The following NUDT21 variants were observed in gnomAD, a reference collection of about 807,000 sequenced individuals.
NUDT21 encodes nudix hydrolase 21, also known as cleavage and polyadenylation specificity factor subunit 5.
Under a neutral mutation model 29.8 loss-of-function variants are expected in NUDT21, and 5 were observed. The observed-to-expected ratio is 0.17, with a 90% CI of 0.09 to 0.35. The LOEUF is 0.35. NUDT21 is among the 10% of genes least tolerant of loss of function. NUDT21 has a pLI of 1.00. For missense variants in NUDT21, 76 were observed against 276.0 expected (o/e 0.28, Z 5.13); for synonymous variants, 113 against 98.5 (o/e 1.15, Z -0.87).
chr16:56,434,213 T>C, intron 6 of NUDT21, 118 bp downstream of exon 6: 1 of 683,254 alleles, frequency 1.5e-6, no homozygotes, highest in Non-Finnish European at 2.6e-6. Flanking sequence ...AGAGTCTATC[T>C]ACTTTCTTAG....
At chr16:56,442,104 A>G (rs56919121) in intron 3 of NUDT21, among the ~76,000 whole-genome samples, 22,280 of 151,962 alleles carry the variant, frequency 0.15, 1,693 homozygotes, top group Admixed American at 0.18. Context: ...GTGGTCTCAA[A>G]CTCCTAGGCT....
intron 6 of NUDT21, 63 bp from the exon 7 acceptor site, chr16:56,432,796 A>C: frequency 8.2e-7 from 1 of 1,220,598 alleles, no homozygotes; most frequent in South Asian, 1.4e-5. Context: ...CATATTAGAT[A>C]AATAAATTTA....
intron 3 of NUDT21, among the ~76,000 whole-genome samples, chr16:56,440,893 C>T (rs1410288280): frequency 1.3e-5 from 2 of 152,050 alleles, no homozygotes; most frequent in Admixed American, 1.3e-4. Context: ...CACATGCTAC[C>T]ATGCCCAGCT....
chr16:56,434,012 A>C (rs1962065930), intron 6 of NUDT21, among the ~76,000 whole-genome samples: 1 of 151,924 alleles, frequency 6.6e-6, no homozygotes, highest in African/African-American at 2.4e-5. Context: ...AATACAGACA[A>C]CTCCGCTCAT....
intron 3 of NUDT21, among the ~76,000 whole-genome samples, chr16:56,444,037 A>T (rs1962188323): frequency 6.6e-6 from 1 of 152,172 alleles, no homozygotes; most frequent in Admixed American, 6.5e-5. Context: ...TCATGCATGT[A>T]ATCCCAATGC....
intron 3 of NUDT21, among the ~76,000 whole-genome samples, chr16:56,440,288 C>T (rs1962145091): frequency 6.6e-6 from 1 of 152,198 alleles, no homozygotes; most frequent in Non-Finnish European, 1.5e-5. Context: ...ACACAGTTTC[C>T]CCGACTGTTA....
chr16:56,443,792 T>C (rs1270413083), intron 3 of NUDT21, among the ~76,000 whole-genome samples: 1 of 152,212 alleles, frequency 6.6e-6, no homozygotes, highest in Non-Finnish European at 1.5e-5. Flanking sequence ...GGAAGCACCA[T>C]GAAGCCCTCA....
In NUDT21 at chr16:56,432,680, C is replaced by A. The variant is rs1265564156; in HGVS notation, c.*32G>T. 11 of 1,602,930 alleles carry A rather than the reference C, an allele frequency of 6.9e-6. No individual in the cohort carries two copies. Among genetic ancestry groups the A allele is most frequent in the Non-Finnish European group, 9.4e-6 (11 of 1,173,964 alleles). On this transcript the variant is annotated 3_prime_UTR_variant, in exon 7 of 7. Coordinates refer to ENST00000300291, the MANE Select transcript of NUDT21 (RefSeq NM_007006.3). Reference sequence around the variant, plus strand: ...ATATAGCTGTGCTCACAGAGACAAGCGGCTTCTTTTACTTCTCCACTGCGC... The same window carrying A: ...ATATAGCTGTGCTCACAGAGACAAGAGGCTTCTTTTACTTCTCCACTGCGC...
rs1962006822 is a variant in NUDT21, at chr16:56,429,384, A to G, written c.*3328T>C. On this transcript the variant is annotated 3_prime_UTR_variant, in exon 7 of 7. Transcript: ENST00000300291. ...ACCTTTCCCTCAACAGAACAGCATAATCAATATATCTTCCCAACTTATCTC... is the reference window on the plus strand; with the variant it reads ...ACCTTTCCCTCAACAGAACAGCATAGTCAATATATCTTCCCAACTTATCTC... 2 of 152,220 alleles carry G rather than the reference A, an allele frequency of 1.3e-5. No individual in the cohort carries two copies. The highest frequency in any genetic ancestry group is 4.1e-4 in the South Asian group (2 of 4,834). 9.4% of individuals were successfully genotyped at this position (152,220 alleles called of 1,614,324 possible).
intron 1 of NUDT21, among the ~76,000 whole-genome samples, chr16:56,450,581 A>C (rs1962284278): frequency 1.3e-5 from 2 of 152,204 alleles, no homozygotes; most frequent in African/African-American, 2.4e-5. Context: ...TGTATTCAAA[A>C]ACTGAAGTAT....
chr16:56,448,265 C>T (rs143739566), intron 1 of NUDT21, among the ~76,000 whole-genome samples: 244 of 152,284 alleles, frequency 1.6e-3, no homozygotes, highest in Non-Finnish European at 1.3e-3. Context: ...AAATGGTTAT[C>T]TGAACATTAG....
At chr16:56,437,506 G>A (rs1220738287) in intron 4 of NUDT21, among the ~76,000 whole-genome samples, 1 of 152,062 alleles carries the variant, frequency 6.6e-6, no homozygotes, top group Non-Finnish European at 1.5e-5. Flanking sequence ...TCTGATTTCG[G>A]GGCAGCTATG....
chr16:56,446,564 G>T, intron 3 of NUDT21, 62 bp downstream of exon 3: 1 of 886,760 alleles, frequency 1.1e-6, no homozygotes, highest in South Asian at 1.5e-5. Flanking sequence ...CTTTTTACAA[G>T]ACATTAAAAG....
intron 4 of NUDT21, 26 bp downstream of exon 4, chr16:56,439,631 C>A: frequency 1.4e-6 from 2 of 1,459,912 alleles, no homozygotes; most frequent in Non-Finnish European, 1.9e-6. Flanking sequence ...TTCCAAAATG[C>A]CCAGCAAATG....
chr16:56,446,667 C>G lies in NUDT21; in HGVS notation c.340G>C (p.Gly114Arg). The G allele has an allele frequency of 6.2e-7, 1 of 1,607,124 alleles. No homozygotes were observed. Among genetic ancestry groups the G allele is most frequent in the Non-Finnish European group, 8.5e-7 (1 of 1,176,138 alleles). Residue 114 changes from glycine (G) to arginine (R), a missense_variant, in exon 3 of 7, where the codon GGA (glycine) becomes CGA (arginine). By Grantham distance (125) the Gly-to-Arg change is moderately radical. This residue lies in a region of NUDT21 where 27 missense variants were observed against 149.5 expected (regional missense o/e 0.18). Coordinates refer to ENST00000300291, the MANE Select transcript of NUDT21 (RefSeq NM_007006.3). ...FKLPGGELNPGEDEVEGLKRL... is the reference protein window; with the variant it reads ...FKLPGGELNPREDEVEGLKRL... The stretch of plus-strand genomic sequence containing the variant: ...TTTAGTCCTTCAACTTCATCTTCTC[C>G]TGGGTTAAGTTCACCACCAGGTCTG...
chr16:56,434,508 T>C (rs557031967), intron 5 of NUDT21, 63 bp from the exon 6 acceptor site: 1 of 947,454 alleles, frequency 1.1e-6, no homozygotes, highest in African/African-American at 1.7e-5. Context: ...ATTTCATTTT[T>C]AAATTACCAA....
chr16:56,438,807 G>C (rs1255749325), intron 4 of NUDT21, among the ~76,000 whole-genome samples: 3 of 152,008 alleles, frequency 2.0e-5, no homozygotes, highest in Non-Finnish European at 4.4e-5. Context: ...AAAAAAAAAG[G>C]TGCCAAGTGT....
At chr16:56,443,343 ATTTG>A (rs1962181298) in intron 3 of NUDT21, among the ~76,000 whole-genome samples, 1 of 151,876 alleles carries the variant, frequency 6.6e-6, no homozygotes, top group Admixed American at 6.6e-5. Context: ...CGCCCAGCTA[ATTTG>A]TTTATGTTTG....
At position 56,429,211 on chromosome 16, in the gene NUDT21, C is replaced by T. The variant is rs1341535711; in HGVS notation, c.*3501G>A. On this transcript the variant is annotated 3_prime_UTR_variant, in exon 7 of 7. Transcript: ENST00000300291. ...GATCACTTTAACCAAACTTACTTTACAAATATAAAAATATAACCAAAACTT... is the reference window on the plus strand; with the variant it reads ...GATCACTTTAACCAAACTTACTTTATAAATATAAAAATATAACCAAAACTT... The T allele has an allele frequency of 6.6e-6, 1 of 152,166 alleles. No homozygotes were observed. The highest frequency in any genetic ancestry group is 2.4e-5 in the African/African-American group (1 of 41,440). The allele number at this position is 152,166 out of a possible 1,614,324, so 9.4% of individuals were successfully genotyped here. A position where few individuals can be genotyped will look rare whatever the true frequency, so the allele number is the denominator to read the frequency against.
Sources: gnomAD v4.1 joint callset for allele counts (sites outside exome capture counted in the v4.1 genomes callset) on GRCh38, gnomAD v4.1.1 for gene constraint, gnomAD v4.1.1 regional missense constraint, MANE v1.5 for transcripts, NCBI Gene and HGNC (gene_info 2026-07-23, HGNC 2026-07-21) for gene names.